STK32B: variants seen among roughly 807,000 people sequenced by gnomAD.
STK32B encodes serine/threonine-protein kinase 32B.
A neutral mutation model predicts 52.6 loss-of-function variants in STK32B; 43 were observed. The observed-to-expected ratio is 0.82, with a 90% CI of 0.64 to 1.05. The LOEUF (loss-of-function observed/expected upper bound fraction) is 1.05. Among genes scored for constraint, STK32B ranks in the 50% least tolerant of loss-of-function variants. STK32B has a pLI of 0.00. For synonymous variants in STK32B, 238 were observed against 204.3 expected (o/e 1.17, Z -1.41); for missense variants, 621 against 534.6 (o/e 1.16, Z -1.59).
chr4:5,062,624 T>C (rs999457720), intron 1 of STK32B, among the ~76,000 whole-genome samples: 2 of 152,136 alleles, frequency 1.3e-5, no homozygotes, highest in African/African-American at 4.8e-5. Context: ...TTCTCCTGCC[T>C]CAGCCTCCCA....
intron 3 of STK32B, among the ~76,000 whole-genome samples, chr4:5,191,775 A>T (rs1197788871): frequency 6.6e-6 from 1 of 152,254 alleles, no homozygotes; most frequent in East Asian, 1.9e-4. Flanking sequence ...ATGTGATCAA[A>T]TCAAAAAAAG....
chr4:5,122,221 C>G (rs984092096), intron 1 of STK32B, among the ~76,000 whole-genome samples: 1 of 152,010 alleles, frequency 6.6e-6, no homozygotes, highest in Non-Finnish European at 1.5e-5. Flanking sequence ...CTCATTCACT[C>G]GCTTATTCAC....
At chr4:5,158,544 C>T (rs750782846) in intron 2 of STK32B, among the ~76,000 whole-genome samples, 3 of 152,158 alleles carry the variant, frequency 2.0e-5, no homozygotes, top group Non-Finnish European at 4.4e-5. Flanking sequence ...TCTTTTAAAA[C>T]AGCTCCCCAG....
intron 11 of STK32B, among the ~76,000 whole-genome samples, chr4:5,478,071 G>T (rs1220367134): frequency 6.6e-6 from 1 of 152,190 alleles, no homozygotes; most frequent in Non-Finnish European, 1.5e-5. Flanking sequence ...AAGAGGGGAA[G>T]AGCAGAGTTC....
At chr4:5,184,695 A>AAAAAAAG (rs58321341) in intron 3 of STK32B, among the ~76,000 whole-genome samples, 164 of 137,576 alleles carry the variant, frequency 1.2e-3, no homozygotes, top group Middle Eastern at 3.7e-3. Context: ...AAAAAAAAAA[A>AAAAAAAG]AAGAAGAAGA....
intron 4 of STK32B, among the ~76,000 whole-genome samples, chr4:5,357,824 C>G (rs1312924236): frequency 6.6e-6 from 1 of 151,294 alleles, no homozygotes; most frequent in East Asian, 2.0e-4. Flanking sequence ...TCCCAGATAG[C>G]TCCCCACCAC....
chr4:5,497,281 C>G (rs1003975799), intron 11 of STK32B, among the ~76,000 whole-genome samples: 4 of 152,126 alleles, frequency 2.6e-5, no homozygotes, highest in African/African-American at 9.7e-5. Context: ...TACACAAAAG[C>G]CAATTAAACA....
At chr4:5,122,360 GTTCACTCA>G (rs1715087091) in intron 1 of STK32B, among the ~76,000 whole-genome samples, 1 of 121,080 alleles carries the variant, frequency 8.3e-6, no homozygotes, top group African/African-American at 3.4e-5. Flanking sequence ...TCATGCACTT[GTTCACTCA>G]TTCACTCATT....
chr4:5,379,039 G>A (rs1380224431), intron 4 of STK32B, among the ~76,000 whole-genome samples: 2 of 151,134 alleles, frequency 1.3e-5, no homozygotes, highest in Admixed American at 6.9e-5. Flanking sequence ...CTAAGGTCAG[G>A]GAGAAGGGAG....
chr4:5,367,425 G>T (rs1734947217), intron 4 of STK32B, among the ~76,000 whole-genome samples: 1 of 152,072 alleles, frequency 6.6e-6, no homozygotes, highest in Non-Finnish European at 1.5e-5. Context: ...CATTCCTGTA[G>T]CCAACACTCT....
At chr4:5,249,989 T>C (rs2369673) in intron 3 of STK32B, among the ~76,000 whole-genome samples, 6 of 152,046 alleles carry the variant, frequency 3.9e-5, no homozygotes, top group African/African-American at 1.5e-4. Flanking sequence ...CTCCTACTTA[T>C]CAGTGAGAAC....
At chr4:5,172,896 C>T (rs576277642) in intron 3 of STK32B, among the ~76,000 whole-genome samples, 52 of 152,272 alleles carry the variant, frequency 3.4e-4, no homozygotes, top group African/African-American at 1.3e-3. Flanking sequence ...ACCAGTTCCT[C>T]CTTGTACCTC....
At chr4:5,093,187 A>T (rs1713190317) in intron 1 of STK32B, among the ~76,000 whole-genome samples, 2 of 152,258 alleles carry the variant, frequency 1.3e-5, no homozygotes, top group African/African-American at 2.4e-5. Flanking sequence ...CCTAAAATAT[A>T]TGTAGAGACT....
intron 4 of STK32B, among the ~76,000 whole-genome samples, chr4:5,333,213 T>C (rs1161969158): frequency 6.6e-6 from 1 of 152,210 alleles, no homozygotes; most frequent in Non-Finnish European, 1.5e-5. Flanking sequence ...TGGTATCTCA[T>C]TGTGGTTTTG....
intron 1 of STK32B, among the ~76,000 whole-genome samples, chr4:5,098,453 G>A (rs1273320137): frequency 6.6e-6 from 1 of 152,214 alleles, no homozygotes; most frequent in Admixed American, 6.5e-5. Context: ...TAGAAATGCT[G>A]TCCTAGGAGT....
intron 3 of STK32B, among the ~76,000 whole-genome samples, chr4:5,297,616 G>C (rs1729286986): frequency 1.4e-5 from 2 of 146,830 alleles, no homozygotes; most frequent in South Asian, 4.3e-4. Context: ...GTGTTTTTCA[G>C]CTCTGTCTGG....
At chr4:5,200,029 G>A (rs535210544) in intron 3 of STK32B, among the ~76,000 whole-genome samples, 1 of 152,260 alleles carries the variant, frequency 6.6e-6, no homozygotes, top group South Asian at 2.1e-4. Flanking sequence ...TAGGAACAAA[G>A]GCCCCACCAC....
At chr4:5,241,348 T>A (rs575402233) in intron 3 of STK32B, among the ~76,000 whole-genome samples, 1,544 of 152,252 alleles carry the variant, frequency 0.01, 22 homozygotes, top group African/African-American at 0.035. Context: ...TTATTTTCGT[T>A]TACAAAAACT....
At chr4:5,321,692 A>G (rs971948715) in intron 3 of STK32B, among the ~76,000 whole-genome samples, 4 of 152,218 alleles carry the variant, frequency 2.6e-5, no homozygotes, top group African/African-American at 2.4e-5. Flanking sequence ...CACAAGGGCA[A>G]TATTCTGCAT....
Sources: allele counts gnomAD v4.1 joint callset (sites outside exome capture counted in the v4.1 genomes callset), GRCh38; gene constraint gnomAD v4.1.1; transcripts MANE v1.5; gene names NCBI Gene and HGNC (gene_info 2026-07-23, HGNC 2026-07-21).